Variants in COL22A1 observed in about 807,000 individuals in gnomAD.
COL22A1 encodes the protein collagen alpha-1(XXII) chain.
Under a neutral mutation model 248.9 loss-of-function variants are expected in COL22A1, and 221 were observed. That is an observed-to-expected ratio of 0.89 (90% CI 0.80 to 0.99). The LOEUF (loss-of-function observed/expected upper bound fraction) is 0.99. COL22A1 is among the 50% of genes least tolerant of loss of function. The pLI is 0.00. For missense variants in COL22A1, 2,240 were observed against 2,179.0 expected (o/e 1.03, Z -0.56); for synonymous variants, 891 against 793.4 (o/e 1.12, Z -2.07).
chr8:138,803,626 C>G (rs1817197137), intron 10 of COL22A1, among the ~76,000 whole-genome samples: 1 of 152,170 alleles, frequency 6.6e-6, no homozygotes, highest in Non-Finnish European at 1.5e-5. Flanking sequence ...ACCTGGGGCC[C>G]TCATAACTGT....
chr8:138,793,256 A>G (rs77644709), intron 12 of COL22A1, among the ~76,000 whole-genome samples: 1 of 152,302 alleles, frequency 6.6e-6, no homozygotes, highest in East Asian at 1.9e-4. Flanking sequence ...GTCTCAATGC[A>G]TGAGTCACGA....
chr8:138,661,007 G>GACAC (rs551830126), intron 43 of COL22A1, among the ~76,000 whole-genome samples: 8 of 136,382 alleles, frequency 5.9e-5, no homozygotes, highest in South Asian at 2.4e-4. Context: ...CACATACACA[G>GACAC]ACACACACAC....
In COL22A1 at chr8:138,591,412, A is replaced by C; in HGVS notation, c.4693+12T>G. ...TCACACCCTACCCCTGAGACTGCAGAATGAGTCATACCTGGGATTCCAGGG... is the reference window on the plus strand; with the variant it reads ...TCACACCCTACCCCTGAGACTGCAGCATGAGTCATACCTGGGATTCCAGGG... On this transcript the variant is annotated intron_variant, in intron 64 of 64. Transcript: ENST00000303045. 6.4e-7 allele frequency: 1 copy of C among 1,569,894 alleles called. No individual in the cohort carries two copies. Among genetic ancestry groups the C allele is most frequent in the South Asian group, 1.2e-5 (1 of 83,354 alleles).
At chr8:138,805,166 GGTGT>G (rs1192092755) in intron 10 of COL22A1, among the ~76,000 whole-genome samples, 6 of 137,916 alleles carry the variant, frequency 4.4e-5, no homozygotes, top group Non-Finnish European at 9.3e-5. Context: ...TGTGCATGAG[GGTGT>G]GTGTGTGTGG....
intron 42 of COL22A1, among the ~76,000 whole-genome samples, chr8:138,662,947 C>A (rs190950326): frequency 1.6e-3 from 242 of 148,948 alleles, no homozygotes; most frequent in Non-Finnish European, 2.2e-3. Flanking sequence ...ACCCAGGAGG[C>A]GGAGATTGCA....
intron 30 of COL22A1, among the ~76,000 whole-genome samples, chr8:138,705,008 A>G (rs1485294557): frequency 1.3e-5 from 2 of 152,238 alleles, no homozygotes; most frequent in African/African-American, 2.4e-5. Context: ...AGCTGATTCA[A>G]TCAAGTGGAA....
At chr8:138,652,277 C>G (rs992904710) in intron 45 of COL22A1, among the ~76,000 whole-genome samples, 5 of 152,252 alleles carry the variant, frequency 3.3e-5, no homozygotes, top group African/African-American at 1.2e-4. Flanking sequence ...ATCATGGCTT[C>G]ATCTCCCTGA....
chr8:138,786,772 C>A (rs1040611324), intron 12 of COL22A1, among the ~76,000 whole-genome samples: 2 of 152,102 alleles, frequency 1.3e-5, no homozygotes, highest in Non-Finnish European at 2.9e-5. Flanking sequence ...GAAGTGGTGG[C>A]AGGCACCTGT....
chr8:138,803,448 C>T (rs1331598026), intron 10 of COL22A1, among the ~76,000 whole-genome samples: 1 of 152,096 alleles, frequency 6.6e-6, no homozygotes, highest in Non-Finnish European at 1.5e-5. Flanking sequence ...CAGACGAGAT[C>T]GGGCATGGCA....
In COL22A1 at chr8:138,739,689, C is replaced by A. The variant is rs763237059; in HGVS notation, c.2086-2112G>T. Among the ~76,000 whole-genome samples the A allele has an allele frequency of 2.7e-3, 404 of 152,310 alleles. 2 individuals are homozygous for A. Among genetic ancestry groups the A allele is most frequent in the Non-Finnish European group, 3.9e-3 (264 of 68,036 alleles). ...GACATTTGTGGGCTGAATAAATCAT[C>A]CCTTTGAGAACTATGCAGTCCCAAG... On this transcript the variant is annotated intron_variant, in intron 22 of 64. Coordinates refer to ENST00000303045, the MANE Select transcript of COL22A1 (RefSeq NM_152888.3).
intron 1 of COL22A1, among the ~76,000 whole-genome samples, chr8:138,897,154 T>G (rs1037276251): frequency 1.3e-5 from 2 of 152,134 alleles, no homozygotes; most frequent in African/African-American, 4.8e-5. Flanking sequence ...ACATGGCCAG[T>G]GTGTAACAGA....
intron 56 of COL22A1, 27 bp from the exon 57 acceptor site, chr8:138,608,016 C>T: frequency 6.2e-7 from 1 of 1,611,472 alleles, no homozygotes; most frequent in Non-Finnish European, 8.5e-7. Context: ...AGGTAATCAT[C>T]CTGCCAGGGC....
chr8:138,731,190 A>G (rs554598216), intron 23 of COL22A1, among the ~76,000 whole-genome samples: 1 of 152,244 alleles, frequency 6.6e-6, no homozygotes, highest in South Asian at 2.1e-4. Context: ...AATCACAGCT[A>G]CTAGGGAGGC....
intron 6 of COL22A1, 119 bp downstream of exon 6, chr8:138,826,535 GCTCT>G: frequency 3.9e-6 from 4 of 1,034,456 alleles, no homozygotes; most frequent in Non-Finnish European, 5.8e-6. Flanking sequence ...CATACGCCAG[GCTCT>G]CTATCTCTCT....
At chr8:138,798,425 C>G (rs950391978) in intron 11 of COL22A1, among the ~76,000 whole-genome samples, 13 of 151,754 alleles carry the variant, frequency 8.6e-5, no homozygotes, top group Middle Eastern at 3.2e-3. Flanking sequence ...ATATTTTTAA[C>G]TGTATATTTT....
intron 36 of COL22A1, 77 bp downstream of exon 36, chr8:138,690,744 C>T (rs763386816): frequency 3.3e-5 from 39 of 1,188,710 alleles, no homozygotes; most frequent in Non-Finnish European, 4.1e-5. Flanking sequence ...ATGTATCCTA[C>T]GCCTCTGGCT....
At chr8:138,773,471 A>G (rs1834564674) in intron 16 of COL22A1, among the ~76,000 whole-genome samples, 1 of 152,216 alleles carries the variant, frequency 6.6e-6, no homozygotes, top group Non-Finnish European at 1.5e-5. Flanking sequence ...GGATTCATCC[A>G]TTGTCCTTAC....
At chr8:138,861,991 C>T (rs1386172477) in intron 3 of COL22A1, among the ~76,000 whole-genome samples, 1 of 130,630 alleles carries the variant, frequency 7.7e-6, no homozygotes, top group Non-Finnish European at 1.5e-5. Flanking sequence ...GAGTTCAAGA[C>T]CAGCCTGGCC....
intron 6 of COL22A1, among the ~76,000 whole-genome samples, chr8:138,824,676 T>C (rs1201092276): frequency 6.6e-6 from 1 of 152,226 alleles, no homozygotes; most frequent in African/African-American, 2.4e-5. Flanking sequence ...TCTCTATCTG[T>C]AGATCTGCCA....
Sources: allele counts gnomAD v4.1 joint callset (sites outside exome capture counted in the v4.1 genomes callset), GRCh38; gene constraint gnomAD v4.1.1; transcripts MANE v1.5; gene names NCBI Gene and HGNC (gene_info 2026-07-23, HGNC 2026-07-21).